PTPRD: variants seen among roughly 807,000 people sequenced by gnomAD.
The protein encoded by PTPRD is protein tyrosine phosphatase receptor type D.
PTPRD carries 34 observed loss-of-function variants against 214.5 expected under a neutral mutation model. The observed-to-expected ratio is 0.16, with a 90% confidence interval of 0.12 to 0.21. The LOEUF is 0.21. Among genes scored for constraint, PTPRD ranks in the 10% least tolerant of loss-of-function variants. The pLI, the probability that PTPRD is intolerant of heterozygous loss-of-function variation, is 1.00. For synonymous variants in PTPRD, 1,128 were observed against 845.7 expected (o/e 1.33, Z -5.79); for missense variants, 2,545 against 2,398.7 (o/e 1.06, Z -1.27).
At chr9:9,369,505 T>C (rs961024147) in intron 9 of PTPRD, among the ~76,000 whole-genome samples, 1 of 152,126 alleles carries the variant, frequency 6.6e-6, no homozygotes, top group Non-Finnish European at 1.5e-5. Flanking sequence ...AGATTCTGGA[T>C]ATTAGCCTTT....
chr9:9,672,246 A>T (rs1413953051), intron 7 of PTPRD, among the ~76,000 whole-genome samples: 1 of 152,164 alleles, frequency 6.6e-6, no homozygotes, highest in African/African-American at 2.4e-5. Context: ...ATTTTTAGCA[A>T]ATTCTATCAT....
chr9:9,093,570 ACTTT>A (rs1054112750), intron 10 of PTPRD, among the ~76,000 whole-genome samples: 4 of 151,980 alleles, frequency 2.6e-5, no homozygotes, highest in African/African-American at 7.2e-5. Context: ...ATAACACAGA[ACTTT>A]CTAAGTAATT....
At chr9:10,227,292 T>G (rs999852801) in intron 3 of PTPRD, among the ~76,000 whole-genome samples, 6 of 152,116 alleles carry the variant, frequency 3.9e-5, no homozygotes, top group African/African-American at 1.4e-4. Context: ...GAATTATAAC[T>G]TCTACAAAGC....
chr9:8,320,091 A>G, intron 44 of PTPRD, 125 bp from the exon 45 acceptor site: 1 of 1,179,644 alleles, frequency 8.5e-7, no homozygotes, highest in Non-Finnish European at 1.2e-6. Flanking sequence ...ATATTCAGGA[A>G]AACATGGTAT....
At chr9:8,936,280 A>T (rs1466300028) in intron 11 of PTPRD, 3 of 150,658 alleles carry the variant, frequency 2.0e-5, no homozygotes, top group Non-Finnish European at 2.9e-5. Flanking sequence ...GTGTGGTGGC[A>T]TATGCCTGTA....
chr9:9,449,104 CG>C (rs1315817413), intron 8 of PTPRD, among the ~76,000 whole-genome samples: 1 of 152,002 alleles, frequency 6.6e-6, no homozygotes, highest in Non-Finnish European at 1.5e-5. Context: ...TCTATACTGC[CG>C]CTGGCAATAA....
chr9:8,820,064 T>A (rs940027848), intron 11 of PTPRD, among the ~76,000 whole-genome samples: 3 of 152,162 alleles, frequency 2.0e-5, no homozygotes, highest in African/African-American at 7.2e-5. Flanking sequence ...TCTCTGTTTG[T>A]AAGAGCAGAG....
intron 11 of PTPRD, among the ~76,000 whole-genome samples, chr9:8,823,619 C>A (rs915972747): frequency 6.6e-6 from 1 of 151,550 alleles, no homozygotes; most frequent in Admixed American, 6.6e-5. Context: ...CCACTGCACT[C>A]CAGCCTGGGG....
intron 5 of PTPRD, among the ~76,000 whole-genome samples, chr9:9,851,155 T>C (rs1041848149): frequency 6.6e-6 from 1 of 152,210 alleles, no homozygotes; most frequent in Non-Finnish European, 1.5e-5. Flanking sequence ...AAACTTTCTA[T>C]GTTGTTCTAT....
At chr9:9,884,857 A>C (rs542360903) in intron 5 of PTPRD, among the ~76,000 whole-genome samples, 1 of 152,206 alleles carries the variant, frequency 6.6e-6, no homozygotes, top group South Asian at 2.1e-4. Flanking sequence ...TTCTGCCACG[A>C]TTGTAAGTTT....
chr9:10,182,272 AAAAAAAAGAAAAG>A (rs1205728877), intron 3 of PTPRD, among the ~76,000 whole-genome samples: 3 of 150,668 alleles, frequency 2.0e-5, no homozygotes, highest in African/African-American at 7.3e-5. Context: ...AAAAAAAAAA[AAAAAAAAGAAAAG>A]AAAAAAGAAA....
chr9:8,772,139 C>A (rs1302572363), intron 11 of PTPRD, among the ~76,000 whole-genome samples: 1 of 136,928 alleles, frequency 7.3e-6, no homozygotes, highest in South Asian at 2.2e-4. Context: ...CCTGAAAAAA[C>A]AACAACAACA....
At chr9:8,331,510 T>C in intron 44 of PTPRD, 72 bp downstream of exon 44, 1 of 1,536,456 alleles carries the variant, frequency 6.5e-7, no homozygotes. Flanking sequence ...GCAAACTTAC[T>C]ACAAAAAGTG....
intron 9 of PTPRD, among the ~76,000 whole-genome samples, chr9:9,312,057 GT>G (rs1304963860): frequency 6.6e-6 from 1 of 152,118 alleles, no homozygotes; most frequent in African/African-American, 2.4e-5. Context: ...TCTTCAATGT[GT>G]TTTCAAATTA....
At chr9:8,375,889 A>C (rs761859938) in intron 39 of PTPRD, 47 bp downstream of exon 39, 9 of 1,582,948 alleles carry the variant, frequency 5.7e-6, no homozygotes, top group Non-Finnish European at 7.7e-6. Flanking sequence ...AATGAGAGTC[A>C]ATTTAGCTTT....
At chr9:8,790,218 G>A (rs779720025) in intron 11 of PTPRD, among the ~76,000 whole-genome samples, 4 of 151,672 alleles carry the variant, frequency 2.6e-5, no homozygotes, top group Admixed American at 6.6e-5. Context: ...ATCTCACTAC[G>A]TTGCCCAGAC....
chr9:9,533,431 T>C (rs2075900169), intron 8 of PTPRD, among the ~76,000 whole-genome samples: 1 of 152,132 alleles, frequency 6.6e-6, no homozygotes, highest in Admixed American at 6.6e-5. Flanking sequence ...TTACCTCTTA[T>C]TGCACCATGG....
intron 5 of PTPRD, among the ~76,000 whole-genome samples, chr9:9,933,695 C>T (rs1444703213): frequency 2.1e-5 from 3 of 145,996 alleles, no homozygotes; most frequent in African/African-American, 8.2e-5. Context: ...CAAGGATACC[C>T]AGGAATTGAA....
Position 9,079,686 on chromosome 9 carries a change from G to A in PTPRD, c.-142-60951C>T, listed in dbSNP as rs73393924. Among the ~76,000 whole-genome samples, 1,281 of 152,154 alleles carry A rather than the reference G, an allele frequency of 8.4e-3. 17 individuals carry two copies. Among genetic ancestry groups the A allele is most frequent in the African/African-American group, 0.029 (1,204 of 41,528 alleles). ...CTGGGAGGTGACATAACCTTTGGCA[G>A]GCAGCTCTTGACAGCTGACAGAAAC... On this transcript the variant is annotated intron_variant, in intron 10 of 45. Transcript: ENST00000381196.
Sources: gnomAD v4.1 joint callset for allele counts (sites outside exome capture counted in the v4.1 genomes callset) on GRCh38, gnomAD v4.1.1 for gene constraint, MANE v1.5 for transcripts, NCBI Gene and HGNC (gene_info 2026-07-23, HGNC 2026-07-21) for gene names.